The following FNDC3B variants were observed in gnomAD, a reference collection of about 807,000 sequenced individuals.
FNDC3B encodes fibronectin type III domain-containing protein 3B.
Under a neutral mutation model 151.5 loss-of-function variants are expected in FNDC3B, and 12 were observed. The observed-to-expected ratio is 0.08, with a 90% CI of 0.05 to 0.13. The LOEUF (loss-of-function observed/expected upper bound fraction) is 0.13, where lower values mean the gene tolerates loss of function less well. Among genes scored for constraint, FNDC3B ranks in the 10% least tolerant of loss-of-function variants. The pLI, the probability that FNDC3B is intolerant of heterozygous loss-of-function variation, is 1.00. For missense variants in FNDC3B, 1,214 were observed against 1,505.3 expected (o/e 0.81, Z 3.20); for synonymous variants, 528 against 549.0 (o/e 0.96, Z 0.54).
At chr3:172,382,907 C>A (rs559555810) in intron 25 of FNDC3B, among the ~76,000 whole-genome samples, 17 of 152,274 alleles carry the variant, frequency 1.1e-4, no homozygotes, top group Admixed American at 9.8e-4. Flanking sequence ...AGCATGATGC[C>A]TCCAGCTTTG....
At chr3:172,235,158 A>T (rs1452854753) in intron 4 of FNDC3B, among the ~76,000 whole-genome samples, 2 of 152,182 alleles carry the variant, frequency 1.3e-5, no homozygotes, top group African/African-American at 4.8e-5. Context: ...CACATCAATA[A>T]CATCTAGCAT....
intron 4 of FNDC3B, among the ~76,000 whole-genome samples, chr3:172,239,344 T>C (rs902412260): frequency 2.0e-5 from 3 of 152,192 alleles, no homozygotes; most frequent in African/African-American, 7.2e-5. Flanking sequence ...TGCTCACTTT[T>C]ATCTGAGACA....
At chr3:172,388,149 A>G (rs573738357) in intron 25 of FNDC3B, among the ~76,000 whole-genome samples, 2 of 152,328 alleles carry the variant, frequency 1.3e-5, no homozygotes, top group Non-Finnish European at 2.9e-5. Flanking sequence ...TCTCCCCTTC[A>G]GTTCTTGGGA....
At chr3:172,296,585 T>C (rs1289002250) in intron 8 of FNDC3B, among the ~76,000 whole-genome samples, 2 of 152,220 alleles carry the variant, frequency 1.3e-5, no homozygotes, top group African/African-American at 4.8e-5. Context: ...TCACTGCCCT[T>C]CTGATAACAC....
chr3:172,381,820 A>T (rs915574911), intron 25 of FNDC3B, among the ~76,000 whole-genome samples: 6 of 152,158 alleles, frequency 3.9e-5, no homozygotes, highest in Non-Finnish European at 8.8e-5. Flanking sequence ...TTATGGCTGC[A>T]CAGTATTCCA....
intron 3 of FNDC3B, among the ~76,000 whole-genome samples, chr3:172,178,059 A>G (rs111645222): frequency 0.036 from 5,435 of 152,202 alleles, 338 homozygotes; most frequent in African/African-American, 0.12. Flanking sequence ...ATAGTATTCC[A>G]TGGTGTCTGT....
rs1192894677 is a variant in FNDC3B, at chr3:172,185,535, T to C, written c.188-41336T>C. 2.0e-5 allele frequency among the ~76,000 whole-genome samples: 3 copies of C among 152,220 alleles called. No individual in the cohort carries two copies. In the East Asian group the frequency reaches 5.8e-4, roughly 29 times the overall value. ...GAATGTATCTACCGTATTTTCAAGT[T>C]TTTAAGATTGAGATAGTTCTTTTGC... is the stretch of plus-strand genomic sequence containing the variant. On this transcript the variant is annotated intron_variant, in intron 3 of 25. Transcript: ENST00000415807.
At chr3:172,161,989 T>TTTG (rs1553767750) in intron 3 of FNDC3B, among the ~76,000 whole-genome samples, 46 of 147,044 alleles carry the variant, frequency 3.1e-4, no homozygotes, top group Admixed American at 4.7e-4. Flanking sequence ...TTTTTTTTTT[T>TTTG]GGGGGGGGAC....
chr3:172,308,661 G>A (rs1731312518), intron 10 of FNDC3B, among the ~76,000 whole-genome samples: 1 of 152,222 alleles, frequency 6.6e-6, no homozygotes. Context: ...AGCATTGAGT[G>A]TGTTACTTGG....
chr3:172,154,194 A>T lies in FNDC3B; in HGVS notation c.187+20648A>T, dbSNP rs142528149. On this transcript the variant is annotated intron_variant, in intron 3 of 25. Coordinates refer to ENST00000415807, the MANE Select transcript of FNDC3B (RefSeq NM_022763.4). ...AATTTTAGAGTGAGATGGGACTTTAATTGTAATCTGATCGAGACCGTTAAT... is the reference window on the plus strand; with the variant it reads ...AATTTTAGAGTGAGATGGGACTTTATTTGTAATCTGATCGAGACCGTTAAT... Among the ~76,000 whole-genome samples the T allele has an allele frequency of 4.4e-3, 673 of 152,284 alleles. 2 individuals carry two copies. Among genetic ancestry groups the T allele is most frequent in the Non-Finnish European group, 6.0e-3 (410 of 68,020 alleles).
chr3:172,310,744 G>A (rs1462152946), intron 10 of FNDC3B, 84 bp from the exon 11 acceptor site: 2 of 963,676 alleles, frequency 2.1e-6, no homozygotes, highest in Non-Finnish European at 3.4e-6. Flanking sequence ...GACTATCATA[G>A]ACACTGTATG....
rs1274732524 is a variant in FNDC3B at position 172,275,308 on chromosome 3, G to GA, written c.791-10615dup. On this transcript the variant is annotated intron_variant, in intron 6 of 25. Transcript: ENST00000415807. Reference sequence around the variant, plus strand: ...AACACTAGTTTCATTCTGAGGGGGGGAAATATACATGCAGAAGACATTAAG... The same window carrying GA: ...AACACTAGTTTCATTCTGAGGGGGGGAAAATATACATGCAGAAGACATTAAG... Among the ~76,000 whole-genome samples the GA allele has an allele frequency of 7.2e-5, 11 of 152,186 alleles. No homozygotes were observed. The South Asian group carries it at 1.9e-3, about 26-fold the overall frequency.
chr3:172,231,613 T>C (rs750460319), intron 4 of FNDC3B, among the ~76,000 whole-genome samples: 3 of 152,064 alleles, frequency 2.0e-5, no homozygotes, highest in Non-Finnish European at 2.9e-5. Flanking sequence ...TGCTAAATGG[T>C]TTATTTTTAT....
At chr3:172,121,576 C>G (rs1394438517) in intron 2 of FNDC3B, among the ~76,000 whole-genome samples, 1 of 152,186 alleles carries the variant, frequency 6.6e-6, no homozygotes, top group Non-Finnish European at 1.5e-5. Context: ...AAGGTAAAAG[C>G]AGTCCAAGCG....
chr3:172,235,169 C>T (rs982194430), intron 4 of FNDC3B, among the ~76,000 whole-genome samples: 15 of 152,138 alleles, frequency 9.9e-5, no homozygotes, highest in African/African-American at 3.1e-4. Context: ...CATCTAGCAT[C>T]AGATCTAGTA....
intron 3 of FNDC3B, among the ~76,000 whole-genome samples, chr3:172,158,597 G>A (rs928467409): frequency 7.3e-5 from 11 of 151,656 alleles, no homozygotes; most frequent in African/African-American, 2.4e-4. Context: ...ATACTTTCTT[G>A]TCTTTCCCTC....
In FNDC3B at chr3:172,348,248, C is replaced by T. The variant is rs563018897; in HGVS notation, c.2514+887C>T. ...CCTGATTTAAGTCATGGATCAAATT[C>T]GTTATTATAAGTACACCCAATGTCT... On this transcript the variant is annotated intron_variant, in intron 21 of 25. Transcript: ENST00000415807. 9.2e-5 allele frequency among the ~76,000 whole-genome samples: 14 copies of T among 152,296 alleles called. 1 individual carries two copies. The highest frequency in any genetic ancestry group is 8.3e-4 in the South Asian group (4 of 4,818).
intron 3 of FNDC3B, among the ~76,000 whole-genome samples, chr3:172,204,478 A>G (rs1256502552): frequency 1.3e-5 from 2 of 151,858 alleles, no homozygotes; most frequent in East Asian, 1.9e-4. Flanking sequence ...GTGCATGTAT[A>G]CATACATGCA....
intron 13 of FNDC3B, among the ~76,000 whole-genome samples, chr3:172,332,095 C>T (rs1011714705): frequency 1.3e-5 from 2 of 152,094 alleles, no homozygotes; most frequent in Non-Finnish European, 2.9e-5. Context: ...CTCAGCCTCC[C>T]GAGTAGCTGG....
Sources: allele counts gnomAD v4.1 joint callset (sites outside exome capture counted in the v4.1 genomes callset), GRCh38; gene constraint gnomAD v4.1.1; transcripts MANE v1.5; gene names NCBI Gene and HGNC (gene_info 2026-07-23, HGNC 2026-07-21).